PCDH9: variants seen among roughly 807,000 people sequenced by gnomAD.
The protein encoded by PCDH9 is protocadherin 9.
PCDH9 carries 24 observed loss-of-function variants against 70.6 expected under a neutral mutation model. That is an observed-to-expected ratio of 0.34 (90% CI 0.25 to 0.48). The LOEUF is 0.48. Among genes scored for constraint, PCDH9 ranks in the 20% least tolerant of loss-of-function variants. The probability of loss-of-function intolerance (pLI) is 0.99; values close to 1 mark genes in which losing one functional copy is unlikely to be tolerated. For missense variants in PCDH9, 1,281 were observed against 1,503.6 expected (o/e 0.85, Z 2.45); for synonymous variants, 562 against 558.5 (o/e 1.01, Z -0.09).
intron 2 of PCDH9, among the ~76,000 whole-genome samples, chr13:67,044,271 T>TA (rs1012755158): frequency 1.3e-5 from 2 of 152,138 alleles, no homozygotes; most frequent in Non-Finnish European, 2.9e-5. Context: ...GAATATTTTT[T>TA]AAAAAATACT....
At chr13:66,938,984 CTAGAA>C (rs1218646044) in intron 2 of PCDH9, among the ~76,000 whole-genome samples, 1 of 151,890 alleles carries the variant, frequency 6.6e-6, no homozygotes, top group East Asian at 1.9e-4. Flanking sequence ...AAATATAATA[CTAGAA>C]TATTTATATT....
At chr13:66,637,277 T>G (rs1006797877) in intron 3 of PCDH9, among the ~76,000 whole-genome samples, 3 of 152,194 alleles carry the variant, frequency 2.0e-5, no homozygotes, top group Non-Finnish European at 2.9e-5. Context: ...CAGACTCGAC[T>G]TAAGGGTAAC....
intron 3 of PCDH9, among the ~76,000 whole-genome samples, chr13:66,862,889 T>G (rs192400978): frequency 6.6e-6 from 1 of 152,124 alleles, no homozygotes; most frequent in Admixed American, 6.6e-5. Context: ...AAAGAAAAAC[T>G]AAATATTGAA....
intron 4 of PCDH9, among the ~76,000 whole-genome samples, chr13:66,593,646 A>G (rs1344691309): frequency 6.6e-6 from 1 of 151,806 alleles, no homozygotes; most frequent in Non-Finnish European, 1.5e-5. Flanking sequence ...CAGTACCTCA[A>G]AAGCATTAGT....
intron 4 of PCDH9, among the ~76,000 whole-genome samples, chr13:66,458,488 C>A (rs1213081788): frequency 6.6e-6 from 1 of 151,966 alleles, no homozygotes; most frequent in Non-Finnish European, 1.5e-5. Context: ...AGCTGGTCAC[C>A]TTTTTCTGTT....
intron 2 of PCDH9, among the ~76,000 whole-genome samples, chr13:66,962,168 A>T (rs1355987919): frequency 6.6e-6 from 1 of 152,224 alleles, no homozygotes; most frequent in Non-Finnish European, 1.5e-5. Context: ...AATTGGTTCC[A>T]TTGGAGAGAG....
intron 4 of PCDH9, among the ~76,000 whole-genome samples, chr13:66,574,453 C>T (rs2076783531): frequency 6.6e-6 from 1 of 152,120 alleles, no homozygotes; most frequent in African/African-American, 2.4e-5. Context: ...GATATACAAG[C>T]TACCCACACA....
intron 2 of PCDH9, among the ~76,000 whole-genome samples, chr13:67,084,251 C>T (rs540701069): frequency 7.3e-4 from 111 of 152,242 alleles, no homozygotes; most frequent in African/African-American, 2.6e-3. Context: ...GCACACAGAC[C>T]TCAGATAAGG....
intron 4 of PCDH9, among the ~76,000 whole-genome samples, chr13:66,602,185 T>C (rs2077172685): frequency 6.8e-6 from 1 of 145,986 alleles, no homozygotes; most frequent in South Asian, 2.2e-4. Context: ...ACACTAATGA[T>C]AGCTGATAAA....
chr13:66,457,091 A>G (rs191660803), intron 4 of PCDH9, among the ~76,000 whole-genome samples: 27 of 152,108 alleles, frequency 1.8e-4, no homozygotes, highest in African/African-American at 6.0e-4. Context: ...ACTTGTGCCT[A>G]TAAGGGAGGT....
chr13:66,431,980 CTAAA>C (rs1264075967), intron 4 of PCDH9, among the ~76,000 whole-genome samples: 3 of 151,896 alleles, frequency 2.0e-5, no homozygotes, highest in Admixed American at 6.6e-5. Context: ...TTTAGTATTT[CTAAA>C]TAGTTTCTCA....
chr13:66,856,556 ATG>A (rs1177269401), intron 3 of PCDH9, among the ~76,000 whole-genome samples: 1 of 152,054 alleles, frequency 6.6e-6, no homozygotes, highest in East Asian at 1.9e-4. Context: ...GACACAGGAT[ATG>A]TGTTTTTTCT....
intron 4 of PCDH9, among the ~76,000 whole-genome samples, chr13:66,482,922 A>T (rs1374343164): frequency 6.6e-6 from 1 of 152,116 alleles, no homozygotes; most frequent in Non-Finnish European, 1.5e-5. Flanking sequence ...TTCTGTGGTA[A>T]CCTTTTTCTA....
intron 4 of PCDH9, among the ~76,000 whole-genome samples, chr13:66,438,668 A>G (rs990766934): frequency 3.3e-5 from 5 of 152,310 alleles, no homozygotes; most frequent in African/African-American, 1.2e-4. Flanking sequence ...CAACCCATAC[A>G]AGCCCACATA....
intron 2 of PCDH9, among the ~76,000 whole-genome samples, chr13:67,101,355 C>T (rs560848404): frequency 2.6e-5 from 4 of 152,148 alleles, no homozygotes; most frequent in African/African-American, 9.7e-5. Flanking sequence ...GTATGAATAG[C>T]AAACTCATTG....
chr13:66,633,062 T>C (rs2077592493), intron 3 of PCDH9, among the ~76,000 whole-genome samples: 2 of 152,146 alleles, frequency 1.3e-5, no homozygotes, highest in South Asian at 4.1e-4. Context: ...AGACAGCCTA[T>C]ATCCTGTGAG....
At chr13:67,118,673 T>G (rs2086822722) in intron 2 of PCDH9, among the ~76,000 whole-genome samples, 1 of 152,074 alleles carries the variant, frequency 6.6e-6, no homozygotes, top group African/African-American at 2.4e-5. Context: ...GTGGTCACAG[T>G]TTTTTGCAAA....
chr13:66,588,913 CA>C (rs755759642), intron 4 of PCDH9, among the ~76,000 whole-genome samples: 1 of 150,990 alleles, frequency 6.6e-6, no homozygotes, highest in Non-Finnish European at 1.5e-5. Context: ...CATTTTTTTA[CA>C]AAAAAAGAAC....
chr13:67,176,634 A>G (rs9571728), intron 2 of PCDH9, among the ~76,000 whole-genome samples: 3 of 152,130 alleles, frequency 2.0e-5, no homozygotes, highest in East Asian at 3.9e-4. Context: ...TTTTAGACAA[A>G]GTGAAAATGA....
Sources: allele counts gnomAD v4.1 joint callset (sites outside exome capture counted in the v4.1 genomes callset), GRCh38; gene constraint gnomAD v4.1.1; transcripts MANE v1.5; gene names NCBI Gene and HGNC (gene_info 2026-07-23, HGNC 2026-07-21).